EPHA4: variants seen among roughly 807,000 people sequenced by gnomAD.
The protein encoded by EPHA4 is EPH receptor A4.
EPHA4 carries 19 observed loss-of-function variants against 108.3 expected under a neutral mutation model. The ratio of observed to expected loss-of-function variants is 0.18; its 90% CI spans 0.12 to 0.26. The LOEUF (loss-of-function observed/expected upper bound fraction) is 0.26. Ranked by LOEUF, EPHA4 falls within the 10% of genes least tolerant of loss-of-function variation. EPHA4 has a pLI of 1.00. For synonymous variants in EPHA4, 449 were observed against 455.5 expected (o/e 0.99, Z 0.18); for missense variants, 917 against 1,254.0 (o/e 0.73, Z 4.06).
rs1690016123 is a variant in EPHA4 at position 221,429,748 on chromosome 2, A to G, written c.2690+210T>C. ...TATTATTTTTTAAAGTTTTTTCCTT[A>G]TAACTATTTGATGCCTGACAGGTAT... On this transcript the variant is annotated intron_variant, in intron 15 of 17. Transcript: ENST00000281821. Among the ~76,000 whole-genome samples the G allele has an allele frequency of 2.0e-5, 3 of 152,060 alleles. No individual in the cohort carries two copies. The South Asian group carries it at 6.2e-4, about 32-fold the overall frequency.
At chr2:221,443,672 T>C in intron 9 of EPHA4, 66 bp from the exon 10 acceptor site, 2 of 1,195,842 alleles carry the variant, frequency 1.7e-6, no homozygotes, top group South Asian at 2.6e-5. Flanking sequence ...ATAAATAGTC[T>C]GGGTCTAAAA....
intron 3 of EPHA4, among the ~76,000 whole-genome samples, chr2:221,562,584 C>T (rs930295084): frequency 1.3e-5 from 2 of 152,170 alleles, no homozygotes; most frequent in African/African-American, 4.8e-5. Flanking sequence ...TACAGCTCAA[C>T]AATTACCCAG....
intron 4 of EPHA4, among the ~76,000 whole-genome samples, chr2:221,490,772 C>T (rs1287277379): frequency 3.3e-5 from 5 of 152,198 alleles, no homozygotes; most frequent in Non-Finnish European, 7.4e-5. Context: ...TACGTTTTGA[C>T]TCTGAAATAA....
At chr2:221,574,183 T>G (rs1694931286), upstream of EPHA4, 1 of 152,146 alleles carries the variant, frequency 6.6e-6, no homozygotes, top group Non-Finnish European at 1.5e-5. Context: ...CTTTTACTTT[T>G]ACACAAGATG....
chr2:221,474,892 C>T (rs900861095), intron 5 of EPHA4, among the ~76,000 whole-genome samples: 1 of 152,004 alleles, frequency 6.6e-6, no homozygotes, highest in Admixed American at 6.6e-5. Context: ...ATTTTGAGAT[C>T]GAGTCTCACT....
In EPHA4 at chr2:221,470,651, T is replaced by G. The variant is rs376309461; in HGVS notation, c.1318+11701A>C. Among the ~76,000 whole-genome samples, 25 of 151,780 alleles carry G rather than the reference T, an allele frequency of 1.6e-4. No homozygotes were observed. In the South Asian group the frequency reaches 4.8e-3, roughly 29 times the overall value. ...GTATCACTTTAGGGAACCTTTTTTA[T>G]AAAGAAGAAATCTTTCCTGCCCTGT... On this transcript the variant is annotated intron_variant, in intron 5 of 17. Transcript: ENST00000281821.
At position 221,554,506 on chromosome 2, in the gene EPHA4, C is replaced by T. The variant is rs78723785; in HGVS notation, c.823+9225G>A. 6.9e-3 allele frequency among the ~76,000 whole-genome samples: 1,047 copies of T among 152,152 alleles called. 19 individuals carry two copies. The highest frequency in any genetic ancestry group is 0.023 in the African/African-American group (974 of 41,494). ...AGTTTGTTGGGTAAAATATGCAGTACGCTTGCCTTCCCATTCTAGAAGGAA... is the reference window on the plus strand; with the variant it reads ...AGTTTGTTGGGTAAAATATGCAGTATGCTTGCCTTCCCATTCTAGAAGGAA... On this transcript the variant is annotated intron_variant, in intron 3 of 17. Transcript: ENST00000281821.
intron 3 of EPHA4, among the ~76,000 whole-genome samples, chr2:221,542,143 G>T (rs950558563): frequency 2.0e-5 from 3 of 152,140 alleles, no homozygotes; most frequent in African/African-American, 7.2e-5. Flanking sequence ...GAAGGGAGAG[G>T]CAAAAGGACT....
At chr2:221,481,839 A>G (rs1691829867) in intron 5 of EPHA4, among the ~76,000 whole-genome samples, 1 of 152,220 alleles carries the variant, frequency 6.6e-6, no homozygotes, top group East Asian at 1.9e-4. Flanking sequence ...AAAATATAAC[A>G]AATACCAAAA....
intron 3 of EPHA4, among the ~76,000 whole-genome samples, chr2:221,534,732 GC>G (rs1328168162): frequency 6.6e-6 from 1 of 152,118 alleles, no homozygotes; most frequent in Non-Finnish European, 1.5e-5. Flanking sequence ...TTAATTTTAT[GC>G]CCATAATCAA....
chr2:221,511,867 C>T (rs1692842915), intron 3 of EPHA4, among the ~76,000 whole-genome samples: 1 of 152,146 alleles, frequency 6.6e-6, no homozygotes, highest in South Asian at 2.1e-4. Flanking sequence ...TCTAATTCTT[C>T]CATTAGAGCA....
At chr2:221,488,891 T>C (rs2106147032) in intron 4 of EPHA4, among the ~76,000 whole-genome samples, 1 of 152,336 alleles carries the variant, frequency 6.6e-6, no homozygotes, top group Admixed American at 6.5e-5. Flanking sequence ...CCACATATCT[T>C]AATTCTTTCC....
intron 3 of EPHA4, among the ~76,000 whole-genome samples, chr2:221,528,568 C>G (rs969973974): frequency 2.0e-5 from 3 of 152,152 alleles, no homozygotes; most frequent in Non-Finnish European, 2.9e-5. Flanking sequence ...GTTTAGAAAG[C>G]ATTTTCCTAA....
At chr2:221,568,319 A>T (rs1379417741) in intron 2 of EPHA4, among the ~76,000 whole-genome samples, 6 of 151,768 alleles carry the variant, frequency 4.0e-5, no homozygotes, top group Admixed American at 3.9e-4. Context: ...TCATATCTTT[A>T]TTTATTCTTT....
At chr2:221,553,349 G>T (rs182768311) in intron 3 of EPHA4, among the ~76,000 whole-genome samples, 1 of 152,324 alleles carries the variant, frequency 6.6e-6, no homozygotes, top group African/African-American at 2.4e-5. Context: ...ACTGTGGAAA[G>T]CAATAGCTGG....
intron 3 of EPHA4, among the ~76,000 whole-genome samples, chr2:221,520,549 G>C (rs1012572165): frequency 5.9e-4 from 88 of 148,440 alleles, no homozygotes; most frequent in South Asian, 4.2e-3. Flanking sequence ...CACACAGAGA[G>C]AGAGAGAGAG....
chr2:221,426,216 A>C, intron 16 of EPHA4, 74 bp from the exon 17 acceptor site: 1 of 1,353,640 alleles, frequency 7.4e-7, no homozygotes, highest in Non-Finnish European at 1.1e-6. Context: ...GGCTTCATGC[A>C]GACACACGTT....
At chr2:221,555,347 T>A (rs1478753267) in intron 3 of EPHA4, among the ~76,000 whole-genome samples, 2 of 152,146 alleles carry the variant, frequency 1.3e-5, no homozygotes, top group Non-Finnish European at 2.9e-5. Context: ...TCATTGCCTT[T>A]GTGAAAGGGG....
At chr2:221,450,277 C>T (rs983277169) in intron 8 of EPHA4, among the ~76,000 whole-genome samples, 3 of 152,172 alleles carry the variant, frequency 2.0e-5, no homozygotes, top group African/African-American at 7.2e-5. Context: ...GGTGTGGTAG[C>T]ACAGGCTGAA....
Sources: gnomAD v4.1 joint callset for allele counts (sites outside exome capture counted in the v4.1 genomes callset) on GRCh38, gnomAD v4.1.1 for gene constraint, MANE v1.5 for transcripts, NCBI Gene and HGNC (gene_info 2026-07-23, HGNC 2026-07-21) for gene names.